Variants in NAA60 observed in about 807,000 individuals in gnomAD.
NAA60 encodes the protein N-alpha-acetyltransferase 60, NatF catalytic subunit, also known as N-alpha-acetyltransferase 60.
NAA60 carries 8 observed loss-of-function variants against 26.1 expected under a neutral mutation model. The observed-to-expected ratio is 0.31, with a 90% CI of 0.18 to 0.55. NAA60 has a LOEUF of 0.55. NAA60 is among the 20% of genes least tolerant of loss of function. The probability of loss-of-function intolerance (pLI) is 0.93; values close to 1 mark genes in which losing one functional copy is unlikely to be tolerated. For synonymous variants in NAA60, 131 were observed against 122.5 expected, an observed-to-expected ratio of 1.07 and a Z score of -0.46; for missense variants, 290 against 311.3, an observed-to-expected ratio of 0.93 and a Z score of 0.51.
intron 2 of NAA60, among the ~76,000 whole-genome samples, chr16:3,460,068 A>G (rs1190127145): frequency 6.6e-6 from 1 of 152,154 alleles, no homozygotes; most frequent in Non-Finnish European, 1.5e-5. Context: ...GACGAGGTGG[A>G]TACAGAATCC....
chr16:3,460,387 A>G (rs2035305978), intron 2 of NAA60, among the ~76,000 whole-genome samples: 1 of 152,112 alleles, frequency 6.6e-6, no homozygotes, highest in Non-Finnish European at 1.5e-5. Context: ...TTTTGGAGAT[A>G]GGTTCTCACT....
At chr16:3,444,182 C>G (rs184150137) in intron 1 of NAA60, among the ~76,000 whole-genome samples, 1 of 152,226 alleles carries the variant, frequency 6.6e-6, no homozygotes, top group East Asian at 1.9e-4. Context: ...CCCCGGATAC[C>G]TCACATGCAG....
chr16:3,482,035 C>T (rs2036869143), intron 4 of NAA60, among the ~76,000 whole-genome samples: 1 of 152,114 alleles, frequency 6.6e-6, no homozygotes, highest in Admixed American at 6.5e-5. Context: ...GACGGCCGCC[C>T]AAGTCTCACT....
intron 2 of NAA60, among the ~76,000 whole-genome samples, chr16:3,453,710 T>G (rs2034872735): frequency 6.6e-6 from 1 of 152,156 alleles, no homozygotes; most frequent in Non-Finnish European, 1.5e-5. Context: ...ACCCAGCTAA[T>G]AATAATAATT....
rs566220457 is a variant in NAA60, at chr16:3,476,807, C to G, written c.110+470C>G. On this transcript the variant is annotated intron_variant, in intron 3 of 7. Coordinates refer to ENST00000407558, the MANE Select transcript of NAA60 (RefSeq NM_001083601.3). ...CTGTAATCCCAGCAGTTTGGGAGGC[C>G]AAGGAGGGCAGATCACCTGAGGTCA... is the stretch of plus-strand genomic sequence containing the variant. 3.3e-3 allele frequency among the ~76,000 whole-genome samples: 502 copies of G among 152,108 alleles called. 3 individuals carry two copies. The highest frequency in any genetic ancestry group is 0.012 in the African/African-American group (483 of 41,486).
At chr16:3,467,456 C>T (rs1434469307) in intron 2 of NAA60, among the ~76,000 whole-genome samples, 3 of 152,172 alleles carry the variant, frequency 2.0e-5, no homozygotes, top group Admixed American at 6.5e-5. Flanking sequence ...TTTCCAAGCG[C>T]AGCATGACTT....
chr16:3,473,891 T>C (rs1035448202), intron 2 of NAA60, among the ~76,000 whole-genome samples: 6 of 151,978 alleles, frequency 3.9e-5, no homozygotes, highest in East Asian at 3.9e-4. Context: ...CCTGCCATCA[T>C]GCCTGGCTAA....
In NAA60 at chr16:3,484,939, T is replaced by C; in HGVS notation, c.*84T>C. The C allele has an allele frequency of 6.5e-7, 1 of 1,539,158 alleles. No homozygotes were observed. Among genetic ancestry groups the C allele is most frequent in the Non-Finnish European group, 8.7e-7 (1 of 1,144,006 alleles). On this transcript the variant is annotated 3_prime_UTR_variant, in exon 7 of 8. Coordinates refer to ENST00000407558, the MANE Select transcript of NAA60 (RefSeq NM_001083601.3). ...CCTGTCCATCTGACCCCTTCTGTTT[T>C]CTGCAAGGAGCTGCCAGCCATCTAA...
intron 3 of NAA60, among the ~76,000 whole-genome samples, chr16:3,478,161 G>A (rs1212529543): frequency 2.6e-5 from 4 of 152,070 alleles, no homozygotes; most frequent in Non-Finnish European, 4.4e-5. Flanking sequence ...ACTTGAACCC[G>A]CGAGTCAGAG....
chr16:3,453,484 C>T (rs561396007), intron 2 of NAA60, among the ~76,000 whole-genome samples: 15 of 152,268 alleles, frequency 9.9e-5, no homozygotes, highest in Admixed American at 8.5e-4. Flanking sequence ...TCTCAGCTCA[C>T]CACAACCTCT....
intron 2 of NAA60, among the ~76,000 whole-genome samples, chr16:3,471,725 T>G (rs1160576405): frequency 2.0e-5 from 3 of 151,944 alleles, no homozygotes; most frequent in African/African-American, 4.8e-5. Context: ...CCGGTGGTGT[T>G]TTTTTCAGAG....
chr16:3,452,653 CAAAA>C (rs57798902), intron 2 of NAA60, among the ~76,000 whole-genome samples: 22 of 135,398 alleles, frequency 1.6e-4, no homozygotes, highest in African/African-American at 6.0e-4. Context: ...GACCCCGTCT[CAAAA>C]AAAAAAAAAG....
chr16:3,466,749 G>T (rs1297835465), intron 2 of NAA60, among the ~76,000 whole-genome samples: 1 of 152,186 alleles, frequency 6.6e-6, no homozygotes, highest in Non-Finnish European at 1.5e-5. Context: ...AGGAAGAGGG[G>T]GAAGGTGGCC....
intron 2 of NAA60, among the ~76,000 whole-genome samples, chr16:3,468,989 G>A (rs368001973): frequency 6.6e-5 from 10 of 152,136 alleles, no homozygotes; most frequent in South Asian, 6.2e-4. Context: ...AGGAGGCTGC[G>A]GCGTGAGAAT....
chr16:3,457,195 C>T (rs1051153206), intron 2 of NAA60, among the ~76,000 whole-genome samples: 1 of 152,124 alleles, frequency 6.6e-6, no homozygotes, highest in African/African-American at 2.4e-5. Context: ...TCAGTAATCC[C>T]AGTATTTTAA....
chr16:3,480,081 C>G (rs1048070715), intron 4 of NAA60, among the ~76,000 whole-genome samples: 2 of 152,148 alleles, frequency 1.3e-5, no homozygotes, highest in African/African-American at 4.8e-5. Context: ...GGACCCACCT[C>G]AGTCTCACTT....
chr16:3,449,519 GAAA>G (rs1325847050), intron 2 of NAA60, among the ~76,000 whole-genome samples: 2 of 150,070 alleles, frequency 1.3e-5, no homozygotes, highest in Non-Finnish European at 3.0e-5. Flanking sequence ...CTCTGTCTCA[GAAA>G]AAAAAAGAAA....
Position 3,483,002 on chromosome 16 carries a change from G to A in NAA60, c.338-361G>A, listed in dbSNP as rs749330233. 7 of 463,840 alleles carry A rather than the reference G, an allele frequency of 1.5e-5. 1 individual carries two copies. In the South Asian group the frequency reaches 1.6e-4, roughly 10 times the overall value. 28.7% of individuals were successfully genotyped at this position (463,840 alleles called of 1,614,324 possible). A position where few individuals can be genotyped will look rare whatever the true frequency, so the allele number is the denominator to read the frequency against. On this transcript the variant is annotated intron_variant, in intron 5 of 7. Coordinates refer to ENST00000407558, the MANE Select transcript of NAA60 (RefSeq NM_001083601.3). Reference sequence around the variant, plus strand: ...GTTTCTCCGATGTCCCACCCCACTCGGCCACACGGCCAGTGAGCGGCAGAG... The same window carrying A: ...GTTTCTCCGATGTCCCACCCCACTCAGCCACACGGCCAGTGAGCGGCAGAG...
chr16:3,476,092 T>C (rs1251949879), intron 2 of NAA60, 130 bp from the exon 3 acceptor site: 2 of 654,896 alleles, frequency 3.1e-6, no homozygotes, highest in Non-Finnish European at 5.2e-6. Flanking sequence ...GGCAGAGGCC[T>C]CTGAGTGCTG....
Sources: gnomAD v4.1 joint callset for allele counts (sites outside exome capture counted in the v4.1 genomes callset) on GRCh38, gnomAD v4.1.1 for gene constraint, MANE v1.5 for transcripts, NCBI Gene and HGNC (gene_info 2026-07-23, HGNC 2026-07-21) for gene names.